CCDC102B: variants seen among roughly 807,000 people sequenced by gnomAD.
The protein encoded by CCDC102B is coiled-coil domain-containing protein 102B.
A neutral mutation model predicts 57.4 loss-of-function variants in CCDC102B; 75 were observed. That is an observed-to-expected ratio of 1.31 (90% confidence interval 1.08 to 1.58). The LOEUF (loss-of-function observed/expected upper bound fraction) is 1.58, where lower values mean the gene tolerates loss of function less well. Ranked by LOEUF, CCDC102B falls within the 40% of genes most tolerant of loss-of-function variation. The probability of loss-of-function intolerance (pLI) is 0.00; values close to 1 mark genes in which losing one functional copy is unlikely to be tolerated. For missense variants in CCDC102B, 636 were observed against 582.6 expected, an observed-to-expected ratio of 1.09 and a Z score of -0.94; for synonymous variants, 206 against 201.9, an observed-to-expected ratio of 1.02 and a Z score of -0.17.
In CCDC102B at chr18:68,897,436, T is replaced by C. The variant is rs374245019; in HGVS notation, c.1263+8T>C. 3.1e-6 allele frequency: 5 copies of C among 1,609,892 alleles called. No individual in the cohort carries two copies. In the African/African-American group the frequency reaches 6.7e-5, roughly 22 times the overall value. On this transcript the variant is annotated splice_region_variant and intron_variant, in intron 6 of 7. Coordinates refer to ENST00000360242, the MANE Select transcript of CCDC102B (RefSeq NM_024781.3). ...CTGCAAGAAAAAAACCAGGTATGGG[T>C]GCTCCTTGGAGCAAATTCTCACTGT...
chr18:68,856,352 A>G (rs904169467), intron 4 of CCDC102B, among the ~76,000 whole-genome samples: 2 of 152,158 alleles, frequency 1.3e-5, no homozygotes, highest in African/African-American at 4.8e-5. Flanking sequence ...GTGCAGTGGC[A>G]CAATCCTAGC....
chr18:68,955,349 T>C (rs944654848), intron 6 of CCDC102B, among the ~76,000 whole-genome samples: 2 of 152,192 alleles, frequency 1.3e-5, no homozygotes, highest in African/African-American at 2.4e-5. Flanking sequence ...AGCTACATAA[T>C]TTAATTATTT....
chr18:68,821,744 A>G (rs2144739610), intron 1 of CCDC102B, among the ~76,000 whole-genome samples: 1 of 152,018 alleles, frequency 6.6e-6, no homozygotes, highest in South Asian at 2.1e-4. Flanking sequence ...TTCTATGGAG[A>G]AAATCAGTAG....
chr18:68,805,848 T>G (rs949397713), intron 1 of CCDC102B, among the ~76,000 whole-genome samples: 8 of 152,192 alleles, frequency 5.3e-5, no homozygotes, highest in African/African-American at 1.9e-4. Flanking sequence ...CAACTTCTCC[T>G]AACCTATTAA....
intron 6 of CCDC102B, among the ~76,000 whole-genome samples, chr18:68,957,005 G>T (rs984702240): frequency 6.6e-6 from 1 of 151,838 alleles, no homozygotes; most frequent in Non-Finnish European, 1.5e-5. Context: ...AGTTGTTTGA[G>T]CTCCTTATAT....
At chr18:68,959,182 T>G (rs1349835533) in intron 6 of CCDC102B, among the ~76,000 whole-genome samples, 1 of 152,204 alleles carries the variant, frequency 6.6e-6, no homozygotes, top group Non-Finnish European at 1.5e-5. Flanking sequence ...TGGGTGTTCC[T>G]GTCTAAGTCT....
At chr18:68,721,406 A>G (rs2032320598) in intron 2 of CCDC102B, 1 of 152,130 alleles carries the variant, frequency 6.6e-6, no homozygotes, top group Admixed American at 6.6e-5. Flanking sequence ...CTACCAGGGG[A>G]ACCACTCTCC....
At chr18:68,756,782 C>T (rs758949149) in intron 2 of CCDC102B, among the ~76,000 whole-genome samples, 6 of 152,088 alleles carry the variant, frequency 3.9e-5, no homozygotes, top group African/African-American at 9.7e-5. Flanking sequence ...GGAATGCAGA[C>T]GTCCCCAGTA....
At chr18:68,880,556 C>T (rs1170596536) in intron 5 of CCDC102B, among the ~76,000 whole-genome samples, 2 of 152,234 alleles carry the variant, frequency 1.3e-5, no homozygotes, top group African/African-American at 4.8e-5. Flanking sequence ...GCTGTCACCT[C>T]TCAGCGGGGC....
At chr18:68,777,148 A>G (rs1335044979) in intron 2 of CCDC102B, among the ~76,000 whole-genome samples, 1 of 152,222 alleles carries the variant, frequency 6.6e-6, no homozygotes, top group Non-Finnish European at 1.5e-5. Context: ...GTAGAGCTGC[A>G]AACTCGTAAC....
chr18:68,989,506 C>T (rs776307666), intron 6 of CCDC102B, among the ~76,000 whole-genome samples: 2 of 152,194 alleles, frequency 1.3e-5, no homozygotes, highest in Non-Finnish European at 2.9e-5. Context: ...CTAGGAGTAG[C>T]ATAGAGCTTC....
intron 5 of CCDC102B, among the ~76,000 whole-genome samples, chr18:68,879,359 G>C (rs892954259): frequency 9.2e-5 from 14 of 152,168 alleles, no homozygotes; most frequent in Admixed American, 7.2e-4. Flanking sequence ...AGCTTCCACA[G>C]TGTGGAAGGG....
chr18:68,971,379 C>G (rs1179068865), intron 6 of CCDC102B, among the ~76,000 whole-genome samples: 4 of 151,924 alleles, frequency 2.6e-5, no homozygotes, highest in Admixed American at 6.6e-5. Flanking sequence ...TTATATCTTC[C>G]CACTCAGCAA....
intron 6 of CCDC102B, among the ~76,000 whole-genome samples, chr18:68,898,754 C>T (rs1317654573): frequency 6.6e-6 from 1 of 151,972 alleles, no homozygotes; most frequent in Non-Finnish European, 1.5e-5. Context: ...TATAGGGAGT[C>T]AAACACACAA....
intron 2 of CCDC102B, among the ~76,000 whole-genome samples, chr18:68,760,978 A>C (rs912244477): frequency 4.6e-5 from 7 of 152,058 alleles, no homozygotes; most frequent in Admixed American, 4.6e-4. Flanking sequence ...CCTCTTTTGC[A>C]GCAAAGTAAA....
exon 2 of CCDC102B, chr18:68,716,566 G>A (rs547267413): frequency 1.4e-4 from 21 of 152,074 alleles, no homozygotes; most frequent in Non-Finnish European, 2.5e-4. Context: ...CTATTGGAAA[G>A]TTTTTTTAAT....
chr18:68,745,391 C>G (rs985604670), intron 2 of CCDC102B, among the ~76,000 whole-genome samples: 1 of 152,114 alleles, frequency 6.6e-6, no homozygotes, highest in Non-Finnish European at 1.5e-5. Context: ...CGTATAGTAC[C>G]TCCTACAACT....
At chr18:68,870,605 T>G (rs2039202172) in intron 4 of CCDC102B, among the ~76,000 whole-genome samples, 1 of 152,342 alleles carries the variant, frequency 6.6e-6, no homozygotes, top group Admixed American at 6.5e-5. Context: ...GAGATGTCTC[T>G]GTGGAGACAT....
intron 7 of CCDC102B, 74 bp downstream of exon 7, chr18:69,011,178 C>T (rs2051506143): frequency 1.5e-6 from 2 of 1,318,980 alleles, no homozygotes; most frequent in African/African-American, 1.5e-5. Flanking sequence ...AGATTGTCTC[C>T]CTTATTAACA....
Sources: allele counts gnomAD v4.1 joint callset (sites outside exome capture counted in the v4.1 genomes callset), GRCh38; gene constraint gnomAD v4.1.1; transcripts MANE v1.5; gene names NCBI Gene and HGNC (gene_info 2026-07-23, HGNC 2026-07-21).